PSD3: variants seen among roughly 807,000 people sequenced by gnomAD.
PSD3 encodes the protein PH and SEC7 domain-containing protein 3.
Under a neutral mutation model 105.5 loss-of-function variants are expected in PSD3, and 49 were observed. The observed-to-expected ratio is 0.46, with a 90% CI of 0.37 to 0.59. PSD3 has a LOEUF of 0.59. Ranked by LOEUF, PSD3 falls within the 20% of genes least tolerant of loss-of-function variation. The probability of loss-of-function intolerance (pLI) is 0.00; values close to 1 mark genes in which losing one functional copy is unlikely to be tolerated. For missense variants in PSD3, 1,561 were observed against 1,263.8 expected, an observed-to-expected ratio of 1.24 and a Z score of -3.57; for synonymous variants, 557 against 457.8, an observed-to-expected ratio of 1.22 and a Z score of -2.77.
intron 8 of PSD3, among the ~76,000 whole-genome samples, chr8:18,769,440 CATG>C (rs1229444252): frequency 6.6e-6 from 1 of 152,116 alleles, no homozygotes; most frequent in Admixed American, 6.5e-5. Flanking sequence ...AATTTTGTTA[CATG>C]ATGATAGCAT....
intron 1 of PSD3, among the ~76,000 whole-genome samples, chr8:19,024,627 AAGGATGG>A (rs1306775811): frequency 6.6e-6 from 1 of 152,164 alleles, no homozygotes; most frequent in African/African-American, 2.4e-5. Flanking sequence ...TAGACTGCCC[AAGGATGG>A]AGTTGGTTAT....
At chr8:19,029,362 T>C (rs543566052) in intron 1 of PSD3, among the ~76,000 whole-genome samples, 1 of 152,200 alleles carries the variant, frequency 6.6e-6, no homozygotes, top group East Asian at 1.9e-4. Context: ...TGTATAGTAC[T>C]TGCACATTGT....
chr8:18,823,417 C>G (rs555956598), intron 4 of PSD3, among the ~76,000 whole-genome samples: 184 of 152,188 alleles, frequency 1.2e-3, no homozygotes, highest in African/African-American at 4.3e-3. Context: ...GAACAAAATA[C>G]AAGTAAAGTG....
At position 18,670,098 on chromosome 8, in the gene PSD3, T is replaced by C. The variant is rs187504855; in HGVS notation, c.2173-14413A>G. Among the ~76,000 whole-genome samples, 31 of 152,192 alleles carry C rather than the reference T, an allele frequency of 2.0e-4. No homozygotes were observed. In the East Asian group the frequency reaches 4.1e-3, roughly 20 times the overall value. ...TTATTATAAGGTGATTCAAATAAGG[T>C]CACTGGAAAGAGTAGCCGTAGCCTG... is the stretch of plus-strand genomic sequence containing the variant. On this transcript the variant is annotated intron_variant, in intron 9 of 15. Coordinates refer to ENST00000327040, the MANE Select transcript of PSD3 (RefSeq NM_015310.4).
intron 9 of PSD3, among the ~76,000 whole-genome samples, chr8:18,661,411 A>G (rs1023146184): frequency 6.6e-6 from 1 of 152,258 alleles, no homozygotes; most frequent in Non-Finnish European, 1.5e-5. Context: ...TTATCAGAGA[A>G]AGAGCATGTT....
At chr8:18,864,482 A>G (rs927142901) in intron 4 of PSD3, among the ~76,000 whole-genome samples, 3 of 152,232 alleles carry the variant, frequency 2.0e-5, no homozygotes, top group Non-Finnish European at 4.4e-5. Context: ...TTTACAAGCT[A>G]GCGACTAACA....
At chr8:18,936,993 T>C (rs990028753) in intron 1 of PSD3, among the ~76,000 whole-genome samples, 2 of 152,212 alleles carry the variant, frequency 1.3e-5, no homozygotes, top group Non-Finnish European at 2.9e-5. Context: ...CTGATTGTCC[T>C]ACATTTCAAC....
At chr8:18,896,118 C>G (rs186235395) in intron 2 of PSD3, among the ~76,000 whole-genome samples, 1 of 152,352 alleles carries the variant, frequency 6.6e-6, no homozygotes, top group East Asian at 1.9e-4. Context: ...CCCAAGCTAA[C>G]TCATCCATGT....
intron 1 of PSD3, among the ~76,000 whole-genome samples, chr8:19,013,027 A>G (rs1827027269): frequency 6.6e-6 from 1 of 152,156 alleles, no homozygotes; most frequent in Non-Finnish European, 1.5e-5. Context: ...AAAAATTCAG[A>G]ACATCATTCG....
At chr8:18,859,407 C>CACT (rs1563353535) in intron 4 of PSD3, among the ~76,000 whole-genome samples, 1 of 152,092 alleles carries the variant, frequency 6.6e-6, no homozygotes, top group East Asian at 1.9e-4. Flanking sequence ...GGAAAATGAG[C>CACT]ACTAACTTCA....
At position 18,872,124 on chromosome 8, in the gene PSD3, G is replaced by A; in HGVS notation, c.740C>T (p.Ser247Phe). 6.2e-7 allele frequency: 1 copy of A among 1,614,118 alleles called. No individual in the cohort carries two copies. The highest frequency in any genetic ancestry group is 1.1e-5 in the South Asian group (1 of 91,058). Residue 247 changes from serine to phenylalanine, a missense_variant, in exon 3 of 16, where the codon TCT becomes TTT. Physicochemically the swap from Ser to Phe is radical, Grantham distance 155. Coordinates refer to ENST00000327040, the MANE Select transcript of PSD3 (RefSeq NM_015310.4). ...GCTCCCGAGGGAGGCCAAAGGACAA[G>A]ATGGCTCCTGCACACAGACAGCCCC... is the stretch of plus-strand genomic sequence containing the variant. ...RKGAVCVQEPSCPLASLGSSA... is the reference protein window; with the variant it reads ...RKGAVCVQEPFCPLASLGSSA...
intron 1 of PSD3, among the ~76,000 whole-genome samples, chr8:19,044,831 T>C (rs1033715961): frequency 2.0e-5 from 3 of 152,106 alleles, no homozygotes; most frequent in East Asian, 1.9e-4. Context: ...AAAGATTGTA[T>C]AGAAAAATGT....
intron 1 of PSD3, among the ~76,000 whole-genome samples, chr8:19,052,270 G>A (rs1563532212): frequency 6.6e-6 from 1 of 152,112 alleles, no homozygotes; most frequent in Non-Finnish European, 1.5e-5. Context: ...TCAGGAGATT[G>A]AGATCATTCT....
chr8:18,798,237 G>A (rs1169282355), intron 8 of PSD3, among the ~76,000 whole-genome samples: 1 of 152,012 alleles, frequency 6.6e-6, no homozygotes, highest in Admixed American at 6.6e-5. Flanking sequence ...CTCTGGACAC[G>A]TGCTACCTAT....
At chr8:18,677,304 G>A (rs1368315325) in intron 9 of PSD3, among the ~76,000 whole-genome samples, 4 of 152,124 alleles carry the variant, frequency 2.6e-5, no homozygotes, top group Admixed American at 6.5e-5. Context: ...CCAGGTCAGC[G>A]CAGTGGCTCA....
intron 9 of PSD3, among the ~76,000 whole-genome samples, chr8:18,677,149 C>T (rs1486544547): frequency 6.6e-6 from 1 of 152,040 alleles, no homozygotes; most frequent in African/African-American, 2.4e-5. Flanking sequence ...TATGAAAGTA[C>T]CAGCAGGATT....
At chr8:18,832,622 G>A (rs1376058986) in intron 4 of PSD3, among the ~76,000 whole-genome samples, 1 of 152,166 alleles carries the variant, frequency 6.6e-6, no homozygotes, top group Admixed American at 6.5e-5. Flanking sequence ...CAACATATTA[G>A]TCCATTCTCA....
intron 4 of PSD3, among the ~76,000 whole-genome samples, chr8:18,828,068 T>TATA (rs1554515387): frequency 0.035 from 2,868 of 83,126 alleles, 43 homozygotes; most frequent in Non-Finnish European, 0.051. Flanking sequence ...TATATATATA[T>TATA]TTTTTTTTTT....
chr8:18,777,890 C>A (rs552479382), intron 8 of PSD3, among the ~76,000 whole-genome samples: 20 of 152,220 alleles, frequency 1.3e-4, no homozygotes, highest in Admixed American at 1.2e-3. Context: ...TGAGGGAGAG[C>A]ATACAATATG....
Sources: allele counts gnomAD v4.1 joint callset (sites outside exome capture counted in the v4.1 genomes callset), GRCh38; gene constraint gnomAD v4.1.1; transcripts MANE v1.5; gene names NCBI Gene and HGNC (gene_info 2026-07-23, HGNC 2026-07-21).